SPAG9: variants seen among roughly 807,000 people sequenced by gnomAD.
SPAG9 encodes sperm associated antigen 9.
A neutral mutation model predicts 166.5 loss-of-function variants in SPAG9; 35 were observed. The ratio of observed to expected loss-of-function variants is 0.21; its 90% CI spans 0.16 to 0.28. The LOEUF (loss-of-function observed/expected upper bound fraction) is 0.28. SPAG9 is among the 10% of genes least tolerant of loss of function. The pLI is 1.00. For synonymous variants in SPAG9, 534 were observed against 565.5 expected (o/e 0.94, Z 0.79); for missense variants, 1,235 against 1,603.3 (o/e 0.77, Z 3.92).
rs2302285 is a variant in SPAG9, at chr17:50,999,678, C to T, written c.1647G>A (p.Arg549=). The T allele has an allele frequency of 5.0e-3, 8,022 of 1,613,110 alleles. 245 individuals are homozygous for T. In the Admixed American group the frequency reaches 0.079, roughly 16 times the overall value. Residue 549 remains arginine (R), a synonymous_variant, in exon 14 of 30, where the codon AGG becomes AGA. Transcript: ENST00000262013. ...RENPAMQEKK[R]SSIWQFFSRL... ...ATACTTACAACTGCCAAATGCTTGA[C>T]CTTTTTTTTTCCTGCATGGCTGGAT...
chr17:50,975,907 G>A (rs1471999932), intron 27 of SPAG9: 3 of 1,535,074 alleles, frequency 2.0e-6, no homozygotes, highest in Non-Finnish European at 1.7e-6. Context: ...TACGGCTAAA[G>A]TGAGAAAGGA....
intron 5 of SPAG9, 141 bp from the exon 6 acceptor site, chr17:51,031,863 CTTTGT>C: frequency 1.4e-6 from 1 of 738,758 alleles, no homozygotes; most frequent in South Asian, 1.5e-5. Flanking sequence ...GGTTTGGAAG[CTTTGT>C]TTTATTTTGA....
At chr17:50,995,933 A>G (rs1597943840) in intron 16 of SPAG9, 4 of 165,972 alleles carry the variant, frequency 2.4e-5, no homozygotes, top group South Asian at 1.8e-4. Context: ...CCAAAGTGTT[A>G]GGATTATAGG....
chr17:51,030,987 TCACTGCAACCTC>T (rs2046366424), intron 6 of SPAG9: 1 of 149,726 alleles, frequency 6.7e-6, no homozygotes. Flanking sequence ...CCATCTTAGC[TCACTGCAACCTC>T]CACCTCCCGG....
chr17:51,013,901 TACACACAC>T (rs61242113), intron 9 of SPAG9, among the ~76,000 whole-genome samples: 5 of 151,064 alleles, frequency 3.3e-5, no homozygotes. Flanking sequence ...CACATACACA[TACACACAC>T]ACACACACAT....
intron 2 of SPAG9, among the ~76,000 whole-genome samples, chr17:51,076,528 G>A (rs2144618649): frequency 6.6e-6 from 1 of 152,156 alleles, no homozygotes; most frequent in East Asian, 1.9e-4. Flanking sequence ...CTGAGGTTGG[G>A]AGTTCGAGAC....
intron 5 of SPAG9, among the ~76,000 whole-genome samples, chr17:51,040,713 A>G (rs76386126): frequency 0.027 from 4,045 of 152,322 alleles, 178 homozygotes; most frequent in East Asian, 0.2. Flanking sequence ...GTTAAGAGCT[A>G]TCTTTACATG....
chr17:50,968,033 C>T (rs1325296197), intron 29 of SPAG9, among the ~76,000 whole-genome samples: 1 of 152,174 alleles, frequency 6.6e-6, no homozygotes, highest in Non-Finnish European at 1.5e-5. Flanking sequence ...AACTGACATA[C>T]TGCACTCCAA....
At chr17:50,981,747 G>A (rs1255207997) in intron 25 of SPAG9, among the ~76,000 whole-genome samples, 1 of 150,110 alleles carries the variant, frequency 6.7e-6, no homozygotes, top group Non-Finnish European at 1.5e-5. Flanking sequence ...AGAAAACAAT[G>A]CTAGGCCGGA....
chr17:51,042,954 G>A (rs1296651224), intron 4 of SPAG9, among the ~76,000 whole-genome samples: 2 of 152,200 alleles, frequency 1.3e-5, no homozygotes, highest in African/African-American at 2.4e-5. Context: ...ACAGTGGGAC[G>A]ATCTCGGCTC....
chr17:50,993,847 A>G lies in SPAG9; in HGVS notation c.2315T>C (p.Ile772Thr), dbSNP rs773698206. The stretch of plus-strand genomic sequence containing the variant: ...GTTGCCAGGTTGAACAGCATCAATA[A>G]TAAGAACTTTTGTAGCCGAATGAGT... Reference protein sequence around the residue: ...TSTHSATKVLIIDAVQPGNIL... With the variant: ...TSTHSATKVLTIDAVQPGNIL... Residue 772 changes from isoleucine (I) to threonine (T), a missense_variant, in exon 19 of 30, where the codon ATT (isoleucine) becomes ACT (threonine). Ile to Thr is a moderately conservative substitution (Grantham distance 89). This residue lies in a region of SPAG9 where 493 missense variants were observed against 559.4 expected (regional missense o/e 0.88). Coordinates refer to ENST00000262013, the MANE Select transcript of SPAG9 (RefSeq NM_001130528.3). 3 of 1,614,210 alleles carry G rather than the reference A, an allele frequency of 1.9e-6. No homozygotes were observed. The highest frequency in any genetic ancestry group is 4.5e-5 in the East Asian group (2 of 44,890).
chr17:50,990,349 C>A, intron 20 of SPAG9, 101 bp downstream of exon 20: 1 of 936,276 alleles, frequency 1.1e-6, no homozygotes, highest in Non-Finnish European at 1.7e-6. Context: ...CTTTCAAGTT[C>A]TTTCAACCTT....
At chr17:51,084,516 T>C (rs771595286) in intron 1 of SPAG9, among the ~76,000 whole-genome samples, 1 of 152,084 alleles carries the variant, frequency 6.6e-6, no homozygotes, top group Non-Finnish European at 1.5e-5. Context: ...CAAGCAATAC[T>C]CCTGCCTCAG....
At chr17:51,029,007 C>G (rs2046292563) in intron 6 of SPAG9, among the ~76,000 whole-genome samples, 1 of 152,130 alleles carries the variant, frequency 6.6e-6, no homozygotes, top group African/African-American at 2.4e-5. Flanking sequence ...ACGCAGTCAT[C>G]AAGTCTCTTT....
chr17:51,065,593 C>A (rs148912204), intron 2 of SPAG9, among the ~76,000 whole-genome samples: 1,615 of 152,280 alleles, frequency 0.011, 18 homozygotes, highest in Non-Finnish European at 0.018. Context: ...TGCCTCAACA[C>A]TTGGGCAAAA....
At chr17:51,012,401 C>A (rs2045523156) in intron 9 of SPAG9, among the ~76,000 whole-genome samples, 1 of 151,954 alleles carries the variant, frequency 6.6e-6, no homozygotes, top group Non-Finnish European at 1.5e-5. Context: ...AAAACCCCAT[C>A]TCTACTAAAA....
intron 1 of SPAG9, among the ~76,000 whole-genome samples, chr17:51,106,324 A>AT (rs1464437861): frequency 6.6e-6 from 1 of 152,058 alleles, no homozygotes; most frequent in African/African-American, 2.4e-5. Context: ...ATAAAATAAA[A>AT]TTTAAAAAAA....
chr17:51,046,850 C>CAT lies in SPAG9; in HGVS notation c.590+523_590+524dup, dbSNP rs1220638544. ...CATTCCGTTCTCCCCACCTCATAAC[C>CAT]ATAGAGCTGCTGCTCCTAGCATTTA... On this transcript the variant is annotated intron_variant, in intron 4 of 29. Coordinates refer to ENST00000262013, the MANE Select transcript of SPAG9 (RefSeq NM_001130528.3). The CAT allele has an allele frequency of 3.3e-6, 5 of 1,530,698 alleles. No homozygotes were observed. In the East Asian group the frequency reaches 1.2e-4, roughly 38 times the overall value. 94.8% of individuals were successfully genotyped at this position (1,530,698 alleles called of 1,614,324 possible). A position where few individuals can be genotyped will look rare whatever the true frequency, so the allele number is the denominator to read the frequency against.
In SPAG9 at chr17:50,977,214, T is replaced by C; in HGVS notation, c.3417A>G (p.Gly1139=). 1 of 1,605,588 alleles carries C rather than the reference T, an allele frequency of 6.2e-7. No individual in the cohort carries two copies. Among genetic ancestry groups the C allele is most frequent in the Non-Finnish European group, 8.5e-7 (1 of 1,172,452 alleles). Residue 1139 remains glycine (G), a synonymous_variant, in exon 27 of 30, where the codon GGA becomes GGG. Transcript: ENST00000262013. ...TTCTCACAAAAGAGAAGCCCAGTTT[T>C]CCAGTACCTGTAAAGAAAGGAGGGA... ...EPYVSKMLGT[G]KLGFSFVRIT...
Sources: gnomAD v4.1 joint callset for allele counts (sites outside exome capture counted in the v4.1 genomes callset) on GRCh38, gnomAD v4.1.1 for gene constraint, gnomAD v4.1.1 regional missense constraint, MANE v1.5 for transcripts, NCBI Gene and HGNC (gene_info 2026-07-23, HGNC 2026-07-21) for gene names.